The following ELF1 variants were observed in gnomAD, a reference collection of about 807,000 sequenced individuals.
ELF1 encodes the protein ETS-related transcription factor Elf-1.
In ELF1, 24 loss-of-function variants were observed where a neutral mutation model predicts 59.9. The ratio of observed to expected loss-of-function variants is 0.40; its 90% CI spans 0.29 to 0.56. The LOEUF is 0.56. ELF1 is among the 20% of genes least tolerant of loss of function. The probability of loss-of-function intolerance (pLI) is 0.44; values close to 1 mark genes in which losing one functional copy is unlikely to be tolerated. For missense variants in ELF1, 627 were observed against 742.2 expected (o/e 0.84, Z 1.80); for synonymous variants, 248 against 266.2 (o/e 0.93, Z 0.67).
intron 1 of ELF1, among the ~76,000 whole-genome samples, chr13:41,013,090 C>A (rs548730615): frequency 6.6e-6 from 1 of 152,244 alleles, no homozygotes; most frequent in South Asian, 2.1e-4. Flanking sequence ...TGAAATGCAT[C>A]AACTGTCCAT....
chr13:40,950,161 A>C (rs1240839313), intron 4 of ELF1, among the ~76,000 whole-genome samples, 188 bp from the exon 5 acceptor site: 1 of 152,124 alleles, frequency 6.6e-6, no homozygotes, highest in Non-Finnish European at 1.5e-5. Context: ...ACGGCGAGCT[A>C]TTTCAATGTC....
In ELF1 at chr13:40,933,405, C is replaced by T; in HGVS notation, c.*20G>A. 3.8e-6 allele frequency: 6 copies of T among 1,591,150 alleles called. No homozygotes were observed. The highest frequency in any genetic ancestry group is 5.1e-6 in the Non-Finnish European group (6 of 1,169,436). On this transcript the variant is annotated 3_prime_UTR_variant, in exon 9 of 9. Coordinates refer to ENST00000239882, the MANE Select transcript of ELF1 (RefSeq NM_172373.4). ...AATGTTCAATTAACAAACAATTATT[C>T]ATAAGCTTTGGTATATTAACTAAAA...
chr13:41,032,504 C>T (rs1391665358), intron 1 of ELF1, among the ~76,000 whole-genome samples: 1 of 151,854 alleles, frequency 6.6e-6, no homozygotes, highest in East Asian at 1.9e-4. Flanking sequence ...AGGCGTGAGC[C>T]CCTGCGCCCA....
chr13:41,000,952 C>T (rs1445075048), intron 1 of ELF1, among the ~76,000 whole-genome samples: 2 of 150,840 alleles, frequency 1.3e-5, no homozygotes, highest in South Asian at 2.1e-4. Context: ...ATACCAATGA[C>T]ATTCTTCACA....
chr13:40,953,158 T>C (rs1870968087), intron 3 of ELF1, among the ~76,000 whole-genome samples: 1 of 152,082 alleles, frequency 6.6e-6, no homozygotes, highest in Non-Finnish European at 1.5e-5. Flanking sequence ...GTATTTTCAG[T>C]AGAGACGGGA....
chr13:41,035,047 G>A (rs1407012772), intron 1 of ELF1, among the ~76,000 whole-genome samples: 1 of 152,202 alleles, frequency 6.6e-6, no homozygotes, highest in South Asian at 2.1e-4. Context: ...TTAAAAGGAA[G>A]AATTGGTCAC....
At chr13:41,051,839 A>G (rs961491041) in intron 1 of ELF1, among the ~76,000 whole-genome samples, 14 of 152,172 alleles carry the variant, frequency 9.2e-5, no homozygotes, top group Non-Finnish European at 4.4e-5. Context: ...AAGATGTTTT[A>G]AAGTTTGCAT....
chr13:40,964,801 T>G (rs1456078086), intron 2 of ELF1, among the ~76,000 whole-genome samples: 2 of 152,074 alleles, frequency 1.3e-5, no homozygotes, highest in Non-Finnish European at 2.9e-5. Flanking sequence ...TCCCATAGTG[T>G]TGGGATTACA....
At chr13:41,045,407 G>A (rs939952003) in intron 1 of ELF1, among the ~76,000 whole-genome samples, 6 of 152,016 alleles carry the variant, frequency 3.9e-5, no homozygotes, top group African/African-American at 9.7e-5. Context: ...GATCTTTCCC[G>A]CTTTCTCTTG....
Position 40,934,011 on chromosome 13 carries a change from G to T in ELF1, c.1274C>A (p.Thr425Asn). The change falls in exon 9 of 9, where the codon ACC (threonine) becomes AAC (asparagine). Residue 425 changes from threonine to asparagine, a missense_variant. Physicochemically the swap from Thr to Asn is moderately conservative, Grantham distance 65. Coordinates refer to ENST00000239882, the MANE Select transcript of ELF1 (RefSeq NM_172373.4). ...VQSIRTIQAP[T>N]QVPVVVSPRN... ...AGGAGACACAACCACTGGAACTTGG[G>T]TTGGAGCCTGTATAGTCCTATTGAG... 6.2e-7 allele frequency: 1 copy of T among 1,614,002 alleles called. No homozygotes were observed. The highest frequency in any genetic ancestry group is 8.5e-7 in the Non-Finnish European group (1 of 1,179,914).
At chr13:40,969,892 TAG>T (rs1872420936) in intron 2 of ELF1, among the ~76,000 whole-genome samples, 1 of 151,976 alleles carries the variant, frequency 6.6e-6, no homozygotes, top group Non-Finnish European at 1.5e-5. Flanking sequence ...TTTGTAGAGA[TAG>T]AGTCTTACTA....
intron 1 of ELF1, 122 bp from the exon 2 acceptor site, chr13:40,982,404 G>T: frequency 1.8e-6 from 1 of 556,544 alleles, no homozygotes; most frequent in Non-Finnish European, 2.3e-6. Context: ...AAATAAAATC[G>T]ACACGACTAA....
rs151304413 is a variant in ELF1 at position 40,979,305 on chromosome 13, T to G, written c.72+2678A>C. 1.4e-3 allele frequency among the ~76,000 whole-genome samples: 219 copies of G among 152,084 alleles called. 1 individual carries two copies. The highest frequency in any genetic ancestry group is 4.9e-3 in the African/African-American group (204 of 41,478). On this transcript the variant is annotated intron_variant, in intron 2 of 8. Coordinates refer to ENST00000239882, the MANE Select transcript of ELF1 (RefSeq NM_172373.4). ...CATAGTTCTAAAAGCTTTAGAAACA[T>G]CAACTCATTTAATTCTCACAGCAAT...
At chr13:40,979,138 T>A (rs1445844572) in intron 2 of ELF1, among the ~76,000 whole-genome samples, 1 of 151,954 alleles carries the variant, frequency 6.6e-6, no homozygotes, top group Non-Finnish European at 1.5e-5. Flanking sequence ...AGAATATTTG[T>A]ATTTATATTT....
chr13:40,959,739 G>A (rs544124789), intron 2 of ELF1, among the ~76,000 whole-genome samples: 1 of 148,908 alleles, frequency 6.7e-6, no homozygotes, highest in African/African-American at 2.5e-5. Flanking sequence ...TTTCAAGTAT[G>A]GCTATATTAA....
chr13:41,007,245 A>G (rs1014041677), intron 1 of ELF1, among the ~76,000 whole-genome samples: 1 of 152,184 alleles, frequency 6.6e-6, no homozygotes, highest in East Asian at 1.9e-4. Context: ...ACTCAACAGT[A>G]TCCTTCTAAC....
intron 1 of ELF1, among the ~76,000 whole-genome samples, chr13:40,989,670 C>G (rs996722831): frequency 5.3e-5 from 8 of 152,090 alleles, no homozygotes; most frequent in Non-Finnish European, 8.8e-5. Flanking sequence ...GAAAACAGCT[C>G]TATCTTGATT....
chr13:40,960,158 T>G (rs1277846528), intron 2 of ELF1, among the ~76,000 whole-genome samples: 1 of 152,172 alleles, frequency 6.6e-6, no homozygotes, highest in Non-Finnish European at 1.5e-5. Context: ...CTATCTAATA[T>G]AAAGACAGCA....
Position 40,933,610 on chromosome 13 carries a change from T to G in ELF1, c.1675A>C (p.Thr559Pro). ...PGTVITSVIK[T>P]QETKTLTQEV... ...TGTGTAAGAGTTTTTGTTTCTTGAG[T>G]TTTGATAACTGAAGTGATTACAGTG... The change falls in exon 9 of 9, where the codon ACT becomes CCT. Residue 559 changes from threonine (T) to proline (P), a missense_variant. By Grantham distance (38) the Thr-to-Pro change is conservative. Transcript: ENST00000239882. 6.2e-7 allele frequency: 1 copy of G among 1,614,210 alleles called. No individual in the cohort carries two copies.
Sources: allele counts gnomAD v4.1 joint callset (sites outside exome capture counted in the v4.1 genomes callset), GRCh38; gene constraint gnomAD v4.1.1; transcripts MANE v1.5; gene names NCBI Gene and HGNC (gene_info 2026-07-23, HGNC 2026-07-21).